CGGBP1: variants seen among roughly 807,000 people sequenced by gnomAD.
CGGBP1 encodes CGG triplet repeat-binding protein 1.
CGGBP1 carries 4 observed loss-of-function variants against 11.4 expected under a neutral mutation model. That is an observed-to-expected ratio of 0.35 (90% CI 0.17 to 0.80). The LOEUF (loss-of-function observed/expected upper bound fraction) is 0.80, where lower values mean the gene tolerates loss of function less well. Among genes scored for constraint, CGGBP1 ranks in the 30% least tolerant of loss-of-function variants. CGGBP1 has a pLI of 0.52. For missense variants in CGGBP1, 135 were observed against 202.1 expected (o/e 0.67, Z 2.01); for synonymous variants, 76 against 74.1 (o/e 1.03, Z -0.13).
At chr3:88,138,110 C>T (rs919192607) in intron 2 of CGGBP1, among the ~76,000 whole-genome samples, 1 of 152,096 alleles carries the variant, frequency 6.6e-6, no homozygotes, top group Non-Finnish European at 1.5e-5. Context: ...GCTCATTATT[C>T]TGAGGCTTAT....
chr3:88,059,243 G>A (rs1706687846), upstream of CGGBP1: 6 of 1,525,498 alleles, frequency 3.9e-6, no homozygotes, highest in Admixed American at 8.0e-5. Context: ...AACTAGAGAG[G>A]AGGAGGAGGT....
At chr3:88,079,913 C>T (rs143408417) in intron 2 of CGGBP1, among the ~76,000 whole-genome samples, 37 of 151,984 alleles carry the variant, frequency 2.4e-4, no homozygotes, top group African/African-American at 8.7e-4. Context: ...AGATTTCACA[C>T]AAGTTTTAAC....
At chr3:88,128,932 T>C in intron 2 of CGGBP1, 1 of 1,535,478 alleles carries the variant, frequency 6.5e-7, no homozygotes, top group Non-Finnish European at 8.7e-7. Context: ...CACCCAGAAA[T>C]CAGTAAAGAC....
intron 2 of CGGBP1, among the ~76,000 whole-genome samples, chr3:88,084,809 A>G (rs1341982749): frequency 6.6e-6 from 1 of 152,188 alleles, no homozygotes; most frequent in East Asian, 1.9e-4. Context: ...GCCCCTTGCT[A>G]CCTCAAGTCT....
intron 2 of CGGBP1, among the ~76,000 whole-genome samples, chr3:88,093,500 ATTT>A (rs1263108403): frequency 6.6e-6 from 1 of 152,156 alleles, no homozygotes; most frequent in Non-Finnish European, 1.5e-5. Context: ...AGCTAGTTGT[ATTT>A]GGTGTGTGCA....
At chr3:88,093,295 G>A (rs1703858299) in intron 2 of CGGBP1, among the ~76,000 whole-genome samples, 1 of 152,140 alleles carries the variant, frequency 6.6e-6, no homozygotes, top group Admixed American at 6.6e-5. Flanking sequence ...GGACTTTCAG[G>A]CAGAAAATAT....
At chr3:88,059,570 C>T (rs889083315), upstream of CGGBP1, 2 of 1,443,446 alleles carry the variant, frequency 1.4e-6, no homozygotes, top group South Asian at 1.5e-5. Context: ...GTCTCCTGGT[C>T]TTCTCGTCCA....
At chr3:88,135,668 TA>T (rs1305367471) in intron 2 of CGGBP1, among the ~76,000 whole-genome samples, 1 of 152,102 alleles carries the variant, frequency 6.6e-6, no homozygotes, top group Non-Finnish European at 1.5e-5. Context: ...GAAGTAATTG[TA>T]AAAATGTGTT....
intron 2 of CGGBP1, among the ~76,000 whole-genome samples, chr3:88,085,152 T>G (rs1708274908): frequency 6.6e-6 from 1 of 152,208 alleles, no homozygotes; most frequent in Admixed American, 6.5e-5. Context: ...GTGAAAAGTC[T>G]TTTGGGCTCT....
rs751399779 is a variant in CGGBP1 at position 88,139,580 on chromosome 3, T to A, written c.-229+1390A>T. On this transcript the variant is annotated intron_variant, in intron 2 of 3. Transcript: ENST00000462901. ...AAAATGGGAATTCTGATAGTAAGGA[T>A]TTGGAAGTGGAGACACTTACTGCTT... 5 of 1,613,670 alleles carry A rather than the reference T, an allele frequency of 3.1e-6. No individual in the cohort carries two copies. The South Asian group carries it at 5.5e-5, about 18-fold the overall frequency.
chr3:88,100,021 A>G (rs1223652047), intron 2 of CGGBP1, among the ~76,000 whole-genome samples: 3 of 152,236 alleles, frequency 2.0e-5, no homozygotes, highest in Non-Finnish European at 4.4e-5. Flanking sequence ...AGAAACTACC[A>G]TCACAGTGAA....
intron 2 of CGGBP1, chr3:88,139,688 T>A: frequency 6.3e-7 from 1 of 1,595,664 alleles, no homozygotes; most frequent in Non-Finnish European, 8.5e-7. Flanking sequence ...AAGATGTTAT[T>A]GAAAATGTTA....
At chr3:88,112,290 T>TAA (rs11391605) in intron 2 of CGGBP1, among the ~76,000 whole-genome samples, 4 of 151,484 alleles carry the variant, frequency 2.6e-5, no homozygotes, top group Admixed American at 6.6e-5. Context: ...CAAAAACTAT[T>TAA]AAAAAAACAA....
intron 2 of CGGBP1, among the ~76,000 whole-genome samples, chr3:88,109,316 C>T (rs577779055): frequency 6.6e-6 from 1 of 152,122 alleles, no homozygotes; most frequent in African/African-American, 2.4e-5. Flanking sequence ...CTAAGTAGGA[C>T]TGAATAGAAA....
chr3:88,115,262 A>G (rs1348538073), intron 2 of CGGBP1, among the ~76,000 whole-genome samples: 4 of 152,112 alleles, frequency 2.6e-5, no homozygotes, highest in African/African-American at 9.7e-5. Flanking sequence ...TCTTTGTTGG[A>G]TTTGAGTTAA....
intron 2 of CGGBP1, among the ~76,000 whole-genome samples, chr3:88,079,128 G>A (rs1253637467): frequency 6.6e-6 from 1 of 152,022 alleles, no homozygotes; most frequent in Non-Finnish European, 1.5e-5. Flanking sequence ...CATTTTTGCT[G>A]ACTCAACCTA....
chr3:88,126,090 A>G, intron 2 of CGGBP1: 1 of 1,414,584 alleles, frequency 7.1e-7, no homozygotes. Flanking sequence ...TTTAGTTTTT[A>G]ACCCCTTTAA....
chr3:88,066,416 A>C (rs1266327135), intron 2 of CGGBP1, among the ~76,000 whole-genome samples: 1 of 152,082 alleles, frequency 6.6e-6, no homozygotes, highest in Non-Finnish European at 1.5e-5. Flanking sequence ...TCTACAAAAA[A>C]ACAAAAATTT....
At chr3:88,133,229 G>A (rs1365043864) in intron 2 of CGGBP1, among the ~76,000 whole-genome samples, 1 of 152,094 alleles carries the variant, frequency 6.6e-6, no homozygotes, top group African/African-American at 2.4e-5. Context: ...CTACCTTTGT[G>A]TTTTAGGGCT....
Sources: allele counts gnomAD v4.1 joint callset (sites outside exome capture counted in the v4.1 genomes callset), GRCh38; gene constraint gnomAD v4.1.1; transcripts MANE v1.5; gene names NCBI Gene and HGNC (gene_info 2026-07-23, HGNC 2026-07-21).